Variants in METTL22 observed in about 807,000 individuals in gnomAD.
METTL22 encodes methyltransferase 22, Kin17 lysine, also known as methyltransferase-like protein 22.
A neutral mutation model predicts 48.4 loss-of-function variants in METTL22; 51 were observed. That is an observed-to-expected ratio of 1.05 (90% CI 0.84 to 1.33). METTL22 has a LOEUF of 1.33. Ranked by LOEUF, METTL22 falls within the 40% of genes most tolerant of loss-of-function variation. The pLI, the probability that METTL22 is intolerant of heterozygous loss-of-function variation, is 0.00. For synonymous variants in METTL22, 255 were observed against 214.1 expected (o/e 1.19, Z -1.67); for missense variants, 678 against 526.9 (o/e 1.29, Z -2.81).
chr16:8,642,832 A>G lies in METTL22; in HGVS notation c.1010+267A>G, dbSNP rs114534068. Reference sequence around the variant, plus strand: ...CAGGGGCCTTGGCCAGGGCACGGCTAGTTAGTGATAGACAAGGACTTGAAT... The same window carrying G: ...CAGGGGCCTTGGCCAGGGCACGGCTGGTTAGTGATAGACAAGGACTTGAAT... On this transcript the variant is annotated intron_variant, in intron 9 of 10. Coordinates refer to ENST00000381920, the MANE Select transcript of METTL22 (RefSeq NM_024109.4). The G allele has an allele frequency of 6.9e-3, 3,573 of 520,352 alleles. 98 individuals carry two copies. The highest frequency in any genetic ancestry group is 0.061 in the African/African-American group (3,198 of 52,398). 32.2% of individuals were successfully genotyped at this position (520,352 alleles called of 1,614,324 possible). A position where few individuals can be genotyped will look rare whatever the true frequency, so the allele number is the denominator to read the frequency against.
intron 5 of METTL22, among the ~76,000 whole-genome samples, chr16:8,636,300 T>C (rs2056419218): frequency 6.6e-6 from 1 of 152,144 alleles, no homozygotes; most frequent in Non-Finnish European, 1.5e-5. Flanking sequence ...TTTGGGAGGC[T>C]GAGGCAGGCA....
At chr16:8,666,082 C>G in the METTL22 span, among the ~76,000 whole-genome samples, 1 of 152,162 alleles carries the variant, frequency 6.6e-6, no homozygotes, top group Non-Finnish European at 1.5e-5. Flanking sequence ...GTTCACCTGC[C>G]TCTATCATCT....
Position 8,646,468 on chromosome 16 carries a change from G to GT in METTL22, c.*327dup. On this transcript the variant is annotated 3_prime_UTR_variant, in exon 11 of 11. Transcript: ENST00000381920. ...ATTTCAGCTGTGTGCTTTACTTGCG[G>GT]TTGCGGCCCTGGCTGTGAGGTGGAT... 1 of 586,438 alleles carries GT rather than the reference G, an allele frequency of 1.7e-6. No homozygotes were observed. Among genetic ancestry groups the GT allele is most frequent in the Non-Finnish European group, 3.2e-6 (1 of 311,336 alleles). 36.3% of individuals were successfully genotyped at this position (586,438 alleles called of 1,614,324 possible).
chr16:8,645,936 C>G lies in METTL22; in HGVS notation c.1180-172C>G, dbSNP rs897665051. 55 of 1,268,872 alleles carry G rather than the reference C, an allele frequency of 4.3e-5. No individual in the cohort carries two copies. The Middle Eastern group carries it at 8.6e-4, about 20-fold the overall frequency. 78.6% of individuals were successfully genotyped at this position (1,268,872 alleles called of 1,614,324 possible). ...CTCTGCCACAGTAAAATAGAACAGC[C>G]CAGAGCAACAAAGAAAGGAGGAAGC... On this transcript the variant is annotated intron_variant, in intron 10 of 10. Transcript: ENST00000381920.
At chr16:8,633,156 C>T (rs1288400094) in intron 3 of METTL22, among the ~76,000 whole-genome samples, 5 of 152,144 alleles carry the variant, frequency 3.3e-5, no homozygotes, top group African/African-American at 1.2e-4. Context: ...AGACCACAGA[C>T]ACCCCTTCCC....
At chr16:8,633,668 C>T (rs1159271874) in intron 3 of METTL22, among the ~76,000 whole-genome samples, 3 of 152,206 alleles carry the variant, frequency 2.0e-5, no homozygotes, top group African/African-American at 7.2e-5. Context: ...TGCCACTCAC[C>T]CTCTCTGTGA....
chr16:8,660,332 C>A, the METTL22 span, among the ~76,000 whole-genome samples: 12 of 152,112 alleles, frequency 7.9e-5, no homozygotes, highest in African/African-American at 2.9e-4. Flanking sequence ...CACCACCACA[C>A]CTGGCTAATT....
At chr16:8,666,527 C>T in the METTL22 span, among the ~76,000 whole-genome samples, 2 of 152,168 alleles carry the variant, frequency 1.3e-5, no homozygotes, top group African/African-American at 2.4e-5. Context: ...TACTACATGC[C>T]AGCCACTGCC....
At chr16:8,655,078 T>C in the METTL22 span, among the ~76,000 whole-genome samples, 502 of 152,318 alleles carry the variant, frequency 3.3e-3, 2 homozygotes, top group African/African-American at 0.011. Flanking sequence ...GTGTGGGGCA[T>C]TGGGGAAAGG....
At chr16:8,662,549 C>G in the METTL22 span, among the ~76,000 whole-genome samples, 1 of 144,534 alleles carries the variant, frequency 6.9e-6, no homozygotes, top group African/African-American at 2.6e-5. Context: ...AGCGTTTCTT[C>G]TAGACCAGGA....
chr16:8,647,139 C>T lies in METTL22; in HGVS notation c.*996C>T, dbSNP rs188995842. On this transcript the variant is annotated 3_prime_UTR_variant, in exon 11 of 11. Coordinates refer to ENST00000381920, the MANE Select transcript of METTL22 (RefSeq NM_024109.4). The stretch of plus-strand genomic sequence containing the variant: ...CATGCACTGTCCCTGCCCACACTCG[C>T]TTCTCCCCAAGCTCCCAGGTTCCAT... 3.8e-4 allele frequency: 67 copies of T among 177,306 alleles called. No homozygotes were observed. The highest frequency in any genetic ancestry group is 8.1e-4 in the Admixed American group (15 of 18,410). The allele number at this position is 177,306 out of a possible 1,614,324, so 11.0% of individuals were successfully genotyped here. A position where few individuals can be genotyped will look rare whatever the true frequency, so the allele number is the denominator to read the frequency against.
the METTL22 span, among the ~76,000 whole-genome samples, chr16:8,662,157 G>A: frequency 1.4e-4 from 20 of 145,640 alleles, 1 homozygote; most frequent in Non-Finnish European, 2.7e-4. Context: ...CAAGAGAATT[G>A]TTTGAGCCCA....
At position 8,649,539 on chromosome 16, in the gene METTL22, T is replaced by G. The variant is rs2056861493; in HGVS notation, c.*3396T>G. 6.6e-6 allele frequency: 1 copy of G among 151,788 alleles called. No individual in the cohort carries two copies. Among genetic ancestry groups the G allele is most frequent in the African/African-American group, 2.4e-5 (1 of 41,262 alleles). 9.4% of individuals were successfully genotyped at this position (151,788 alleles called of 1,614,324 possible). A position where few individuals can be genotyped will look rare whatever the true frequency, so the allele number is the denominator to read the frequency against. On this transcript the variant is annotated 3_prime_UTR_variant, in exon 11 of 11. Coordinates refer to ENST00000381920, the MANE Select transcript of METTL22 (RefSeq NM_024109.4). ...AGGCACAGTGGCTCACACCTGTAAT[T>G]CCAGCATTTTGGGAGGCCGAGGTGG...
the METTL22 span, among the ~76,000 whole-genome samples, chr16:8,656,916 C>T: frequency 1.2e-4 from 19 of 152,186 alleles, no homozygotes; most frequent in African/African-American, 3.6e-4. Flanking sequence ...AGGATGAGAA[C>T]GAGAGAGAAG....
At chr16:8,663,603 TTTTTCTGCCTGTGTTTTCCCAG>T in the METTL22 span, among the ~76,000 whole-genome samples, 17 of 152,156 alleles carry the variant, frequency 1.1e-4, no homozygotes, top group African/African-American at 3.9e-4. Flanking sequence ...ACTCCTCCTA[TTTTTCTGCCTGTGTTTTCCCAG>T]CCCTGACTCT....
chr16:8,642,030 G>T, intron 7 of METTL22, 97 bp from the exon 8 acceptor site: 1 of 956,544 alleles, frequency 1.0e-6, no homozygotes, highest in Non-Finnish European at 1.7e-6. Context: ...CCCCAGCCCT[G>T]TTTCTTCTCT....
chr16:8,657,941 T>C, the METTL22 span, among the ~76,000 whole-genome samples: 1 of 152,076 alleles, frequency 6.6e-6, no homozygotes, highest in African/African-American at 2.4e-5. Flanking sequence ...CTCAGTCTCC[T>C]GAGTAGCTGG....
At position 8,649,204 on chromosome 16, in the gene METTL22, C is replaced by T. The variant is rs1192251129; in HGVS notation, c.*3061C>T. Reference sequence around the variant, plus strand: ...ATGTCTAAACCACTGGGCCTGAAAGCTTCCTCTAAGTAGAGCCTGGAATTA... The same window carrying T: ...ATGTCTAAACCACTGGGCCTGAAAGTTTCCTCTAAGTAGAGCCTGGAATTA... On this transcript the variant is annotated 3_prime_UTR_variant, in exon 11 of 11. Transcript: ENST00000381920. 6.6e-6 allele frequency: 1 copy of T among 152,196 alleles called. No individual in the cohort carries two copies. The highest frequency in any genetic ancestry group is 1.5e-5 in the Non-Finnish European group (1 of 68,028). The allele number at this position is 152,196 out of a possible 1,614,324, so 9.4% of individuals were successfully genotyped here.
At position 8,647,240 on chromosome 16, in the gene METTL22, C is replaced by T. The variant is rs938146263; in HGVS notation, c.*1097C>T. The T allele has an allele frequency of 6.4e-6, 1 of 156,224 alleles. No individual in the cohort carries two copies. The highest frequency in any genetic ancestry group is 1.4e-5 in the Non-Finnish European group (1 of 70,794). 9.7% of individuals were successfully genotyped at this position (156,224 alleles called of 1,614,324 possible). A position where few individuals can be genotyped will look rare whatever the true frequency, so the allele number is the denominator to read the frequency against. On this transcript the variant is annotated 3_prime_UTR_variant, in exon 11 of 11. Transcript: ENST00000381920. ...CAGGCACTTGCAAGTCTAACTTCAT[C>T]TTCCCAACAAATTTAGGAGGTCCGC...
Sources: gnomAD v4.1 joint callset for allele counts (sites outside exome capture counted in the v4.1 genomes callset) on GRCh38, gnomAD v4.1.1 for gene constraint, MANE v1.5 for transcripts, NCBI Gene and HGNC (gene_info 2026-07-23, HGNC 2026-07-21) for gene names.